The following PTPRD variants were observed in gnomAD, a reference collection of about 807,000 sequenced individuals.
PTPRD encodes receptor-type tyrosine-protein phosphatase delta.
A neutral mutation model predicts 214.5 loss-of-function variants in PTPRD; 34 were observed. The observed-to-expected ratio is 0.16, with a 90% CI of 0.12 to 0.21. The LOEUF (loss-of-function observed/expected upper bound fraction) is 0.21, where lower values mean the gene tolerates loss of function less well. Ranked by LOEUF, PTPRD falls within the 10% of genes least tolerant of loss-of-function variation. The probability of loss-of-function intolerance (pLI) is 1.00; values close to 1 mark genes in which losing one functional copy is unlikely to be tolerated. For missense variants in PTPRD, 2,545 were observed against 2,398.7 expected (o/e 1.06, Z -1.27); for synonymous variants, 1,128 against 845.7 (o/e 1.33, Z -5.79).
rs150553394 is a variant in PTPRD at position 8,504,320 on chromosome 9, C to G, written c.1763G>C (p.Arg588Pro). 1 of 1,614,048 alleles carries G rather than the reference C, an allele frequency of 6.2e-7. No individual in the cohort carries two copies. Among genetic ancestry groups the G allele is most frequent in the African/African-American group, 1.3e-5 (1 of 75,028 alleles). Residue 588 changes from arginine (R) to proline (P), a missense_variant, in exon 23 of 46, where the codon CGC becomes CCC. Arg to Pro is a moderately radical substitution (Grantham distance 103). Coordinates refer to ENST00000381196, the MANE Select transcript of PTPRD (RefSeq NM_002839.4). ...NSLYYFRLAA[R>P]SPQGLGASTA... is the part of the protein sequence containing the mutation. ...AGAAGCACCCAGGCCTTGAGGGGAG[C>G]GTGCAGCCAGACGGAAATAGTATAA...
intron 2 of PTPRD, among the ~76,000 whole-genome samples, chr9:10,374,694 T>A (rs868536752): frequency 1.4e-4 from 22 of 152,198 alleles, no homozygotes; most frequent in African/African-American, 5.1e-4. Flanking sequence ...ACACATTTGC[T>A]AGCTCCATGT....
At chr9:8,580,781 C>A (rs763324672) in intron 14 of PTPRD, among the ~76,000 whole-genome samples, 5 of 151,960 alleles carry the variant, frequency 3.3e-5, no homozygotes, top group Non-Finnish European at 7.4e-5. Flanking sequence ...CGCACACATA[C>A]ACACACACAC....
intron 7 of PTPRD, among the ~76,000 whole-genome samples, chr9:9,689,144 T>A (rs931044907): frequency 2.0e-5 from 3 of 151,894 alleles, no homozygotes; most frequent in African/African-American, 7.2e-5. Context: ...TGTATAACGA[T>A]AAAAATTATG....
At chr9:9,202,292 G>C (rs1235163383) in intron 9 of PTPRD, among the ~76,000 whole-genome samples, 4 of 152,102 alleles carry the variant, frequency 2.6e-5, no homozygotes, top group Admixed American at 2.6e-4. Flanking sequence ...AGATTAACCC[G>C]AAGTCCCTAT....
chr9:8,767,363 C>CACCTCCT (rs1799391495), intron 11 of PTPRD, among the ~76,000 whole-genome samples: 2 of 152,068 alleles, frequency 1.3e-5, no homozygotes, highest in South Asian at 2.1e-4. Context: ...GTGATCCACC[C>CACCTCCT]GCCTTGGCCT....
At chr9:9,035,224 A>T (rs972652066) in intron 10 of PTPRD, among the ~76,000 whole-genome samples, 1 of 152,082 alleles carries the variant, frequency 6.6e-6, no homozygotes, top group African/African-American at 2.4e-5. Flanking sequence ...AGGAATGAAA[A>T]ACAGGAGGCT....
intron 3 of PTPRD, among the ~76,000 whole-genome samples, chr9:10,316,162 T>TA (rs2096419609): frequency 1.5e-5 from 2 of 136,136 alleles, no homozygotes; most frequent in African/African-American, 5.9e-5. Context: ...TATATGTATA[T>TA]CTATGTATAT....
chr9:10,010,784 T>C (rs2096582122), intron 4 of PTPRD, among the ~76,000 whole-genome samples: 3 of 152,012 alleles, frequency 2.0e-5, no homozygotes, highest in Non-Finnish European at 4.4e-5. Context: ...AAGAATGCTA[T>C]GAAACTTCTG....
chr9:10,445,647 G>A (rs2098793522), intron 2 of PTPRD, among the ~76,000 whole-genome samples: 1 of 152,090 alleles, frequency 6.6e-6, no homozygotes, highest in Non-Finnish European at 1.5e-5. Flanking sequence ...TTAAGATAGA[G>A]TGAGTCAGGG....
Position 8,341,099 on chromosome 9 carries a change from TC to T in PTPRD, c.5116del (p.Asp1706MetfsTer34). The T allele has an allele frequency of 6.2e-7, 1 of 1,609,198 alleles. No homozygotes were observed. The highest frequency in any genetic ancestry group is 8.5e-7 in the Non-Finnish European group (1 of 1,177,786). ...GSDYINASFI[D>X]GYRQQKAYIA... ...GAGCAAAAGTAGATACCTGTATCCA[TC>T]AATAAAACTGGCATTGATGTAATCA... On this transcript the variant is annotated frameshift_variant, in exon 41 of 46. Coordinates refer to ENST00000381196, the MANE Select transcript of PTPRD (RefSeq NM_002839.4). LOFTEE classifies it high-confidence loss of function.
intron 7 of PTPRD, among the ~76,000 whole-genome samples, chr9:9,715,672 G>A (rs570182110): frequency 3.9e-5 from 6 of 152,062 alleles, no homozygotes; most frequent in South Asian, 4.2e-4. Context: ...ATAATACATC[G>A]CAGTATTAAG....
chr9:10,057,266 A>G (rs954943425), intron 3 of PTPRD, among the ~76,000 whole-genome samples: 1 of 152,170 alleles, frequency 6.6e-6, no homozygotes, highest in African/African-American at 2.4e-5. Flanking sequence ...CTACTGGTGC[A>G]CTACTATCAG....
At chr9:9,793,925 T>A (rs1468710277) in intron 5 of PTPRD, among the ~76,000 whole-genome samples, 1 of 151,976 alleles carries the variant, frequency 6.6e-6, no homozygotes, top group Non-Finnish European at 1.5e-5. Flanking sequence ...ACCCACTACT[T>A]CCTAAAATAT....
intron 9 of PTPRD, among the ~76,000 whole-genome samples, chr9:9,371,081 G>GT (rs200027903): frequency 1.3e-5 from 2 of 151,566 alleles, no homozygotes; most frequent in South Asian, 4.2e-4. Flanking sequence ...CTCTTTTTTT[G>GT]TTTTTTTCTC....
At chr9:10,072,013 T>C (rs894960589) in intron 3 of PTPRD, among the ~76,000 whole-genome samples, 1 of 151,932 alleles carries the variant, frequency 6.6e-6, no homozygotes, top group Non-Finnish European at 1.5e-5. Context: ...AAAAAATTGG[T>C]AAGGTTTACT....
At chr9:8,870,435 G>A (rs975017351) in intron 11 of PTPRD, among the ~76,000 whole-genome samples, 1 of 151,934 alleles carries the variant, frequency 6.6e-6, no homozygotes, top group Non-Finnish European at 1.5e-5. Context: ...AGATGCAAGG[G>A]GGAAAAAACC....
At chr9:9,693,679 C>T (rs1276357343) in intron 7 of PTPRD, among the ~76,000 whole-genome samples, 1 of 152,166 alleles carries the variant, frequency 6.6e-6, no homozygotes, top group Non-Finnish European at 1.5e-5. Context: ...AATAAACTTT[C>T]TACTTCTATG....
At chr9:9,902,988 A>G (rs2076746751) in intron 5 of PTPRD, among the ~76,000 whole-genome samples, 1 of 152,168 alleles carries the variant, frequency 6.6e-6, no homozygotes, top group African/African-American at 2.4e-5. Context: ...CCTATATTTT[A>G]ATTAAGGGAG....
At chr9:8,745,101 C>A (rs982137351) in intron 11 of PTPRD, among the ~76,000 whole-genome samples, 1 of 152,164 alleles carries the variant, frequency 6.6e-6, no homozygotes, top group Non-Finnish European at 1.5e-5. Flanking sequence ...TCTACTCCCT[C>A]CTTCAATGAA....
Sources: allele counts gnomAD v4.1 joint callset (sites outside exome capture counted in the v4.1 genomes callset), GRCh38; gene constraint gnomAD v4.1.1; transcripts MANE v1.5; gene names NCBI Gene and HGNC (gene_info 2026-07-23, HGNC 2026-07-21).